SUSD4: variants seen among roughly 807,000 people sequenced by gnomAD.
The protein encoded by SUSD4 is sushi domain containing 4.
In SUSD4, 41 loss-of-function variants were observed where a neutral mutation model predicts 50.5. The observed-to-expected ratio is 0.81, with a 90% confidence interval of 0.63 to 1.05. The LOEUF is 1.05. Among genes scored for constraint, SUSD4 ranks in the 50% least tolerant of loss-of-function variants. SUSD4 has a pLI of 0.00. For synonymous variants in SUSD4, 257 were observed against 257.3 expected, an observed-to-expected ratio of 1.00 and a Z score of 0.01; for missense variants, 580 against 634.7, an observed-to-expected ratio of 0.91 and a Z score of 0.93.
intron 2 of SUSD4, among the ~76,000 whole-genome samples, chr1:223,362,357 T>G (rs761440780): frequency 2.0e-5 from 3 of 152,204 alleles, no homozygotes; most frequent in Non-Finnish European, 2.9e-5. Flanking sequence ...CAAAGATAAT[T>G]TATTTATATA....
At chr1:223,321,887 G>A (rs1283840761) in intron 2 of SUSD4, among the ~76,000 whole-genome samples, 2 of 152,112 alleles carry the variant, frequency 1.3e-5, no homozygotes, top group African/African-American at 4.8e-5. Flanking sequence ...GGTCTAATAC[G>A]GGTAGAGTAT....
At chr1:223,326,303 GA>G (rs1666873849) in intron 2 of SUSD4, among the ~76,000 whole-genome samples, 1 of 152,110 alleles carries the variant, frequency 6.6e-6, no homozygotes, top group South Asian at 2.1e-4. Context: ...GCCACATGTG[GA>G]AAAATGAAAC....
At position 223,223,435 on chromosome 1, in the gene SUSD4, T is replaced by C. The variant is rs1231072043; in HGVS notation, c.1258A>G (p.Thr420Ala). 1 of 1,613,896 alleles carries C rather than the reference T, an allele frequency of 6.2e-7. No homozygotes were observed. The highest frequency in any genetic ancestry group is 8.5e-7 in the Non-Finnish European group (1 of 1,179,954). Residue 420 changes from threonine (T) to alanine (A), a missense_variant, in exon 8 of 9, where the codon ACG becomes GCG. Coordinates refer to ENST00000366878, the MANE Select transcript of SUSD4 (RefSeq NM_017982.4). ...SPPAYPGSGDTDTGPGESETC... is the reference protein window; with the variant it reads ...SPPAYPGSGDADTGPGESETC... ...TCTGACTCCCCTGGGCCTGTGTCCGTGTCCCCTGAGCCGGGGTATGCTGGG... is the reference window on the plus strand; with the variant it reads ...TCTGACTCCCCTGGGCCTGTGTCCGCGTCCCCTGAGCCGGGGTATGCTGGG...
chr1:223,351,927 C>T (rs757003917), intron 2 of SUSD4, among the ~76,000 whole-genome samples: 1 of 151,720 alleles, frequency 6.6e-6, no homozygotes, highest in Non-Finnish European at 1.5e-5. Context: ...AGAACATGAC[C>T]CAGTTTAGCA....
At chr1:223,340,289 T>A (rs1187149133) in intron 2 of SUSD4, among the ~76,000 whole-genome samples, 1 of 152,206 alleles carries the variant, frequency 6.6e-6, no homozygotes, top group Non-Finnish European at 1.5e-5. Flanking sequence ...TCCCATCTCC[T>A]GGAACAGACA....
intron 2 of SUSD4, among the ~76,000 whole-genome samples, chr1:223,338,309 T>C (rs954653913): frequency 2.0e-5 from 3 of 152,148 alleles, no homozygotes; most frequent in Non-Finnish European, 1.5e-5. Context: ...GGTCCTCTGC[T>C]TTGTCATCAG....
chr1:223,333,047 A>T (rs1213140251), intron 2 of SUSD4, among the ~76,000 whole-genome samples: 1 of 152,058 alleles, frequency 6.6e-6, no homozygotes, highest in Admixed American at 6.5e-5. Flanking sequence ...CTCTTGGCCA[A>T]ACTCTTTCCT....
intron 2 of SUSD4, among the ~76,000 whole-genome samples, chr1:223,300,273 T>G (rs530460785): frequency 6.6e-6 from 1 of 152,330 alleles, no homozygotes; most frequent in African/African-American, 2.4e-5. Context: ...TATTGTAATT[T>G]GGACTCTGGT....
rs776931462 is a variant in SUSD4, at chr1:223,362,072, C to A, written c.148+1206G>T. 4.2e-4 allele frequency among the ~76,000 whole-genome samples: 64 copies of A among 152,056 alleles called. 1 individual carries two copies. The highest frequency in any genetic ancestry group is 3.9e-4 in the Admixed American group (6 of 15,286). ...AAAATACAAAAATAAAAATAAAAAC[C>A]AATGTCCACCCAAAGCAAGTGTTTT... On this transcript the variant is annotated intron_variant, in intron 2 of 8. Transcript: ENST00000366878.
At chr1:223,308,599 T>C (rs1665689586) in intron 2 of SUSD4, among the ~76,000 whole-genome samples, 1 of 152,220 alleles carries the variant, frequency 6.6e-6, no homozygotes, top group South Asian at 2.1e-4. Context: ...TGTTCAGGAA[T>C]AACAAAATTA....
In SUSD4 at chr1:223,222,109, G is replaced by T; in HGVS notation, c.*83C>A. ...GACAAGTTAGACATTTTGCCCCCAG[G>T]CTCTATCCTTCTGTGACCTCACTCC... On this transcript the variant is annotated 3_prime_UTR_variant, in exon 9 of 9. Transcript: ENST00000366878. The T allele has an allele frequency of 6.8e-7, 1 of 1,463,414 alleles. No homozygotes were observed. The highest frequency in any genetic ancestry group is 9.4e-7 in the Non-Finnish European group (1 of 1,063,804). The allele number at this position is 1,463,414 out of a possible 1,614,324, so 90.7% of individuals were successfully genotyped here. A position where few individuals can be genotyped will look rare whatever the true frequency, so the allele number is the denominator to read the frequency against.
At chr1:223,265,553 C>T (rs1379744159) in intron 4 of SUSD4, among the ~76,000 whole-genome samples, 2 of 152,256 alleles carry the variant, frequency 1.3e-5, no homozygotes, top group Non-Finnish European at 2.9e-5. Flanking sequence ...GCTGCTGCCA[C>T]TGCCAGGCTC....
At chr1:223,364,180 G>A (rs1181174221), upstream of SUSD4, 2 of 151,586 alleles carry the variant, frequency 1.3e-5, no homozygotes, top group African/African-American at 2.4e-5. This position sits in a 1 kb window ranked among gnomAD's most constrained non-coding sequence, Gnocchi z 4.5. Context: ...AAGCTTCGGC[G>A]GCGGCGCTCG....
intron 5 of SUSD4, among the ~76,000 whole-genome samples, chr1:223,243,283 G>A (rs1340333911): frequency 2.0e-5 from 3 of 152,300 alleles, no homozygotes; most frequent in South Asian, 2.1e-4. Flanking sequence ...TGGGCTGCCC[G>A]CCTTGCCCTG....
At chr1:223,282,182 A>G (rs1207234316) in intron 3 of SUSD4, among the ~76,000 whole-genome samples, 3 of 152,208 alleles carry the variant, frequency 2.0e-5, no homozygotes, top group African/African-American at 7.2e-5. Context: ...CTGGCACAAG[A>G]CAGGGATGCC....
At chr1:223,335,467 T>G (rs1173550440) in intron 2 of SUSD4, among the ~76,000 whole-genome samples, 1 of 152,182 alleles carries the variant, frequency 6.6e-6, no homozygotes, top group Admixed American at 6.5e-5. Flanking sequence ...CCATATCTCT[T>G]TTCAGTCAAT....
At chr1:223,263,627 T>C in intron 5 of SUSD4, 1 of 985,162 alleles carries the variant, frequency 1.0e-6, no homozygotes, top group Non-Finnish European at 1.2e-6. Flanking sequence ...CCCCCATCCT[T>C]CTCCAAAGAG....
At chr1:223,302,725 A>G (rs1665273096) in intron 2 of SUSD4, among the ~76,000 whole-genome samples, 1 of 152,188 alleles carries the variant, frequency 6.6e-6, no homozygotes, top group Non-Finnish European at 1.5e-5. Flanking sequence ...CTCAACTGTC[A>G]AAGAGATGGA....
In SUSD4 at chr1:223,292,568, C is replaced by T. The variant is rs1280109755; in HGVS notation, c.232G>A (p.Gly78Ser). Reference sequence around the variant, plus strand: ...TGGCAGTGAAATCGGGCTACAGAGCCTTCAAAGAAAACCCCTCCGCTGGGG... The same window carrying T: ...TGGCAGTGAAATCGGGCTACAGAGCTTTCAAAGAAAACCCCTCCGCTGGGG... Reference protein sequence around the residue: ...RTPSGGVFFEGSVARFHCQDG... With the variant: ...RTPSGGVFFESSVARFHCQDG... The change falls in exon 3 of 9, where the codon GGC becomes AGC. Residue 78 changes from glycine to serine, a missense_variant. Coordinates refer to ENST00000366878, the MANE Select transcript of SUSD4 (RefSeq NM_017982.4). 1 of 1,614,028 alleles carries T rather than the reference C, an allele frequency of 6.2e-7. No homozygotes were observed. Among genetic ancestry groups the T allele is most frequent in the East Asian group, 2.2e-5 (1 of 44,896 alleles).
Sources: gnomAD v4.1 joint callset for allele counts (sites outside exome capture counted in the v4.1 genomes callset) on GRCh38, gnomAD v4.1.1 for gene constraint, Gnocchi (gnomAD v3.1) non-coding constraint, MANE v1.5 for transcripts, NCBI Gene and HGNC (gene_info 2026-07-23, HGNC 2026-07-21) for gene names.